Variants in CALCRL observed in about 807,000 individuals in gnomAD.
CALCRL encodes calcitonin receptor like receptor.
A neutral mutation model predicts 60.4 loss-of-function variants in CALCRL; 27 were observed. The observed-to-expected ratio is 0.45, with a 90% CI of 0.33 to 0.62. The LOEUF (loss-of-function observed/expected upper bound fraction) is 0.62. Ranked by LOEUF, CALCRL falls within the 20% of genes least tolerant of loss-of-function variation. The probability of loss-of-function intolerance (pLI) is 0.03; values close to 1 mark genes in which losing one functional copy is unlikely to be tolerated. For synonymous variants in CALCRL, 190 were observed against 182.6 expected (o/e 1.04, Z -0.33); for missense variants, 424 against 540.7 (o/e 0.78, Z 2.14).
intron 14 of CALCRL, 41 bp downstream of exon 14, chr2:187,351,879 C>A: frequency 8.2e-7 from 1 of 1,215,462 alleles, no homozygotes; most frequent in South Asian, 1.3e-5. Flanking sequence ...AGACAGATAG[C>A]AAATATAAAA....
intron 1 of CALCRL, among the ~76,000 whole-genome samples, chr2:187,417,502 A>G (rs998724834): frequency 1.3e-5 from 2 of 152,088 alleles, no homozygotes; most frequent in African/African-American, 4.8e-5. Flanking sequence ...TACAGATAAT[A>G]TATGCTTATT....
chr2:187,380,244 A>C (rs1687929593), intron 7 of CALCRL, among the ~76,000 whole-genome samples: 1 of 152,212 alleles, frequency 6.6e-6, no homozygotes, highest in African/African-American at 2.4e-5. Flanking sequence ...TTGACTTGTA[A>C]ATTACACTAT....
At chr2:187,426,243 T>A (rs200512629) in intron 1 of CALCRL, among the ~76,000 whole-genome samples, 1,619 of 67,726 alleles carry the variant, frequency 0.024, 28 homozygotes, top group African/African-American at 0.053. Flanking sequence ...TCATTTATTA[T>A]TTTTTTTTTT....
At chr2:187,371,582 C>T (rs1221703371) in intron 8 of CALCRL, among the ~76,000 whole-genome samples, 1 of 152,030 alleles carries the variant, frequency 6.6e-6, no homozygotes, top group Admixed American at 6.6e-5. Flanking sequence ...CGTAGGATTT[C>T]ATTAATAGTT....
intron 1 of CALCRL, among the ~76,000 whole-genome samples, chr2:187,411,711 G>A (rs546285553): frequency 6.6e-6 from 1 of 152,014 alleles, no homozygotes; most frequent in African/African-American, 2.4e-5. Flanking sequence ...GAAGTAGGGG[G>A]TGTAGTAAAA....
At chr2:187,424,843 A>G (rs1408892815) in intron 1 of CALCRL, among the ~76,000 whole-genome samples, 2 of 152,014 alleles carry the variant, frequency 1.3e-5, no homozygotes, top group Non-Finnish European at 2.9e-5. Flanking sequence ...TATCCCATAA[A>G]ATATAACTAA....
At chr2:187,428,640 T>G (rs1690255216) in intron 1 of CALCRL, 1 of 152,284 alleles carries the variant, frequency 6.6e-6, no homozygotes, top group Admixed American at 6.5e-5. Flanking sequence ...ACGCCTGTAA[T>G]CCCAGCATTT....
intron 8 of CALCRL, among the ~76,000 whole-genome samples, chr2:187,372,888 A>G (rs1342844375): frequency 5.3e-5 from 8 of 152,112 alleles, no homozygotes; most frequent in Non-Finnish European, 1.0e-4. Flanking sequence ...TGATTCATGA[A>G]CCATTCAAAT....
chr2:187,411,978 CAAAAAAAAAAA>C (rs56075258), intron 1 of CALCRL, among the ~76,000 whole-genome samples: 28 of 61,494 alleles, frequency 4.6e-4, no homozygotes, highest in African/African-American at 1.6e-3. Flanking sequence ...GACTCTGTCT[CAAAAAAAAAAA>C]AAAAAAAAAA....
intron 1 of CALCRL, among the ~76,000 whole-genome samples, chr2:187,403,562 C>A (rs529221543): frequency 3.3e-5 from 5 of 151,886 alleles, no homozygotes; most frequent in South Asian, 2.1e-4. Context: ...TCAAAACATT[C>A]GTGTTTAAGG....
chr2:187,363,181 T>A (rs1687131781), intron 9 of CALCRL, among the ~76,000 whole-genome samples, 195 bp downstream of exon 9: 1 of 152,160 alleles, frequency 6.6e-6, no homozygotes, highest in African/African-American at 2.4e-5. Flanking sequence ...AGAGTATATG[T>A]AGCTATATTC....
intron 1 of CALCRL, among the ~76,000 whole-genome samples, chr2:187,388,159 A>G (rs1296562043): frequency 1.3e-5 from 2 of 151,900 alleles, no homozygotes; most frequent in Non-Finnish European, 2.9e-5. Flanking sequence ...TATTTATTGT[A>G]TCTATAGTCA....
At chr2:187,406,631 C>T (rs900298292) in intron 1 of CALCRL, among the ~76,000 whole-genome samples, 3 of 151,658 alleles carry the variant, frequency 2.0e-5, no homozygotes, top group Admixed American at 2.0e-4. Context: ...TGTAACTAAC[C>T]ATTCCTGGTA....
chr2:187,430,712 G>A (rs533446771), intron 1 of CALCRL, among the ~76,000 whole-genome samples: 4 of 151,966 alleles, frequency 2.6e-5, no homozygotes, highest in South Asian at 4.2e-4. Context: ...TTTTTTCTTC[G>A]CTTATAAATA....
At chr2:187,356,565 C>G (rs534629756) in intron 12 of CALCRL, among the ~76,000 whole-genome samples, 1 of 152,158 alleles carries the variant, frequency 6.6e-6, no homozygotes, top group East Asian at 1.9e-4. Flanking sequence ...AGAAGAAAAG[C>G]GAGGCAATAT....
chr2:187,441,740 A>T (rs924786226), intron 1 of CALCRL, among the ~76,000 whole-genome samples: 16 of 152,040 alleles, frequency 1.1e-4, no homozygotes, highest in Non-Finnish European at 2.9e-5. Flanking sequence ...ATTTGTTTAG[A>T]AAAAGAGCAA....
chr2:187,363,753 C>T (rs552017813), intron 8 of CALCRL, among the ~76,000 whole-genome samples: 63 of 152,232 alleles, frequency 4.1e-4, no homozygotes, highest in African/African-American at 1.5e-3. Flanking sequence ...TGTACAAGTC[C>T]TCTACATGAC....
chr2:187,360,767 A>G lies in CALCRL; in HGVS notation c.628-16T>C, dbSNP rs1271492634. 3 of 1,586,084 alleles carry G rather than the reference A, an allele frequency of 1.9e-6. No homozygotes were observed. The highest frequency in any genetic ancestry group is 2.6e-6 in the Non-Finnish European group (3 of 1,171,386). On this transcript the variant is annotated splice_polypyrimidine_tract_variant and intron_variant, in intron 9 of 14. Coordinates refer to ENST00000392370, the MANE Select transcript of CALCRL (RefSeq NM_005795.6). ...TGCAACTAACCTGTGAGGAAAAAAAAAACCCCAATATTTACTTGTTTATGA... is the reference window on the plus strand; with the variant it reads ...TGCAACTAACCTGTGAGGAAAAAAAGAACCCCAATATTTACTTGTTTATGA...
intron 1 of CALCRL, among the ~76,000 whole-genome samples, chr2:187,446,633 T>C (rs1691200496): frequency 6.6e-6 from 1 of 151,816 alleles, no homozygotes; most frequent in African/African-American, 2.4e-5. Flanking sequence ...AAATGTGTTG[T>C]TTCCACTTTC....
Sources: gnomAD v4.1 joint callset for allele counts (sites outside exome capture counted in the v4.1 genomes callset) on GRCh38, gnomAD v4.1.1 for gene constraint, MANE v1.5 for transcripts, NCBI Gene and HGNC (gene_info 2026-07-23, HGNC 2026-07-21) for gene names.